Variants in TMEM71 observed in about 807,000 individuals in gnomAD.
The protein encoded by TMEM71 is transmembrane protein 71.
In TMEM71, 44 loss-of-function variants were observed where a neutral mutation model predicts 38.0. The observed-to-expected ratio is 1.16, with a 90% CI of 0.91 to 1.49. The LOEUF (loss-of-function observed/expected upper bound fraction) is 1.49, where lower values mean the gene tolerates loss of function less well. Ranked by LOEUF, TMEM71 falls within the 40% of genes most tolerant of loss-of-function variation. The pLI, the probability that TMEM71 is intolerant of heterozygous loss-of-function variation, is 0.00. For synonymous variants in TMEM71, 133 were observed against 122.5 expected (o/e 1.09, Z -0.56); for missense variants, 367 against 348.6 (o/e 1.05, Z -0.42).
At position 132,760,518 on chromosome 8, in the gene TMEM71, C is replaced by T. The variant is rs866229969; in HGVS notation, c.-79G>A. 1 of 152,278 alleles carries T rather than the reference C, an allele frequency of 6.6e-6. No individual in the cohort carries two copies. The highest frequency in any genetic ancestry group is 2.1e-4 in the South Asian group (1 of 4,838). 9.4% of individuals were successfully genotyped at this position (152,278 alleles called of 1,614,324 possible). A position where few individuals can be genotyped will look rare whatever the true frequency, so the allele number is the denominator to read the frequency against. On this transcript the variant is annotated 5_prime_UTR_variant, in exon 1 of 10. Coordinates refer to ENST00000677595, the MANE Select transcript of TMEM71 (RefSeq NM_001382403.1). ...CCACGCACATTGCTGTGCACAGGTG[C>T]TTGCAGAGAAGTTTTGTCTTCGGCA...
At chr8:132,739,111 C>T (rs983371857) in intron 5 of TMEM71, among the ~76,000 whole-genome samples, 22 of 152,274 alleles carry the variant, frequency 1.4e-4, no homozygotes, top group African/African-American at 4.8e-4. Context: ...TAAGAAAAAT[C>T]ATAGCCATGT....
At chr8:132,724,347 C>A (rs1187805895) in intron 6 of TMEM71, among the ~76,000 whole-genome samples, 1 of 152,138 alleles carries the variant, frequency 6.6e-6, no homozygotes, top group Non-Finnish European at 1.5e-5. Context: ...ACTCCCAGAG[C>A]AGCCGTTTAT....
intron 5 of TMEM71, among the ~76,000 whole-genome samples, chr8:132,738,152 A>AT (rs34327263): frequency 0.68 from 103,449 of 151,864 alleles, 36,073 homozygotes; most frequent in South Asian, 0.79. Context: ...TCTATATGCT[A>AT]TTTTTTTATT....
intron 5 of TMEM71, among the ~76,000 whole-genome samples, chr8:132,733,329 G>A (rs908817149): frequency 5.9e-5 from 9 of 152,186 alleles, no homozygotes; most frequent in Non-Finnish European, 1.3e-4. Context: ...GCTAAGATAT[G>A]TAGTGTTGTT....
chr8:132,747,218 C>T, intron 4 of TMEM71, 104 bp from the exon 5 acceptor site: 1 of 994,366 alleles, frequency 1.0e-6, no homozygotes, highest in Non-Finnish European at 1.4e-6. Flanking sequence ...AGTCTGCTCA[C>T]TGCATTAATT....
chr8:132,756,181 A>T (rs1375837499), intron 3 of TMEM71, among the ~76,000 whole-genome samples: 1 of 151,958 alleles, frequency 6.6e-6, no homozygotes, highest in East Asian at 1.9e-4. Flanking sequence ...AAGAAAGAAA[A>T]AAGACTTCCT....
intron 7 of TMEM71, among the ~76,000 whole-genome samples, chr8:132,719,567 C>T (rs1458688926): frequency 6.6e-6 from 1 of 152,234 alleles, no homozygotes; most frequent in Non-Finnish European, 1.5e-5. Flanking sequence ...CTGTATGAGG[C>T]ATACTCAACC....
intron 5 of TMEM71, among the ~76,000 whole-genome samples, chr8:132,745,203 G>A (rs751855706): frequency 2.0e-5 from 3 of 152,086 alleles, no homozygotes; most frequent in Non-Finnish European, 4.4e-5. Context: ...AAGAACTTCT[G>A]CACAACAAAA....
intron 4 of TMEM71, among the ~76,000 whole-genome samples, chr8:132,748,968 G>T (rs928565745): frequency 6.6e-6 from 1 of 152,176 alleles, no homozygotes; most frequent in African/African-American, 2.4e-5. Flanking sequence ...TAAAATCTAC[G>T]TCATAAGATT....
intron 2 of TMEM71, chr8:132,758,636 T>C (rs1270408326): frequency 1.6e-5 from 8 of 515,434 alleles, no homozygotes; most frequent in African/African-American, 1.2e-4. Flanking sequence ...TTTTTTTTTC[T>C]ACTAGAAGGA....
chr8:132,709,798 C>T (rs1357357859), downstream of TMEM71: 1 of 152,024 alleles, frequency 6.6e-6, no homozygotes, highest in Non-Finnish European at 1.5e-5. Context: ...AAAACAATAA[C>T]TTTGTGTTGC....
rs527441118 is a variant in TMEM71, at chr8:132,722,924, G to A, written c.677-809C>T. Among the ~76,000 whole-genome samples, 249 of 152,258 alleles carry A rather than the reference G, an allele frequency of 1.6e-3. 1 individual carries two copies. Among genetic ancestry groups the A allele is most frequent in the African/African-American group, 5.4e-3 (224 of 41,534 alleles). ...ACCTTAAATAAATTAAAGCTGATTT[G>A]AGGATTACCACATAAAAAACCTAAA... On this transcript the variant is annotated intron_variant, in intron 6 of 9. Coordinates refer to ENST00000677595, the MANE Select transcript of TMEM71 (RefSeq NM_001382403.1).
intron 5 of TMEM71, among the ~76,000 whole-genome samples, chr8:132,737,849 G>T (rs944663630): frequency 1.3e-5 from 2 of 152,076 alleles, no homozygotes; most frequent in African/African-American, 4.8e-5. Context: ...AAACTGTATT[G>T]CTTCTCAGAT....
chr8:132,759,249 T>C (rs1007528267), intron 1 of TMEM71: 1 of 177,362 alleles, frequency 5.6e-6, no homozygotes, highest in Non-Finnish European at 1.2e-5. Flanking sequence ...TAAGAAATCT[T>C]AATAAAATGA....
intron 5 of TMEM71, among the ~76,000 whole-genome samples, chr8:132,729,784 C>T (rs569500729): frequency 1.3e-5 from 2 of 152,168 alleles, no homozygotes; most frequent in Admixed American, 6.5e-5. Context: ...AAAATTAAAA[C>T]CGAGTTTCTG....
the TMEM71 span, among the ~76,000 whole-genome samples, chr8:132,774,306 A>G: frequency 6.6e-6 from 1 of 152,234 alleles, no homozygotes; most frequent in Non-Finnish European, 1.5e-5. Context: ...GATAACAAAT[A>G]TCCACTAGAG....
chr8:132,767,922 C>T, the TMEM71 span, among the ~76,000 whole-genome samples: 4 of 151,904 alleles, frequency 2.6e-5, no homozygotes, highest in East Asian at 1.9e-4. Context: ...ATTATGTTGG[C>T]GGTATGAGTT....
intron 5 of TMEM71, among the ~76,000 whole-genome samples, chr8:132,741,092 C>T (rs72725147): frequency 0.38 from 57,498 of 151,910 alleles, 11,184 homozygotes; most frequent in Non-Finnish European, 0.43. Context: ...GGGCTGGGCA[C>T]AGTGGCTCAC....
At chr8:132,741,419 G>A (rs994644525) in intron 5 of TMEM71, among the ~76,000 whole-genome samples, 1 of 152,132 alleles carries the variant, frequency 6.6e-6, no homozygotes, top group African/African-American at 2.4e-5. Context: ...CCTGGGCCCG[G>A]GGGACCACTA....
Sources: allele counts gnomAD v4.1 joint callset (sites outside exome capture counted in the v4.1 genomes callset), GRCh38; gene constraint gnomAD v4.1.1; transcripts MANE v1.5; gene names NCBI Gene and HGNC (gene_info 2026-07-23, HGNC 2026-07-21).